Variants in NOPCHAP1 observed in about 807,000 individuals in gnomAD.
NOPCHAP1 encodes the protein NOP protein chaperone 1, also known as DNA damage-sensitive RNA 1.
NOPCHAP1 carries 13 observed loss-of-function variants against 14.0 expected under a neutral mutation model. The ratio of observed to expected loss-of-function variants is 0.93; its 90% CI spans 0.60 to 1.47. The LOEUF (loss-of-function observed/expected upper bound fraction) is 1.47, where lower values mean the gene tolerates loss of function less well. Among genes scored for constraint, NOPCHAP1 ranks in the 40% most tolerant of loss-of-function variants. NOPCHAP1 has a pLI of 0.00. For missense variants in NOPCHAP1, 230 were observed against 226.9 expected, an observed-to-expected ratio of 1.01 and a Z score of -0.09; for synonymous variants, 78 against 78.4, an observed-to-expected ratio of 1.00 and a Z score of 0.03.
chr12:104,991,742 A>G lies in NOPCHAP1; in HGVS notation c.233A>G (p.Gln78Arg), dbSNP rs746944094. The G allele has an allele frequency of 1.9e-6, 3 of 1,613,678 alleles. No individual in the cohort carries two copies. The highest frequency in any genetic ancestry group is 2.5e-6 in the Non-Finnish European group (3 of 1,179,890). ...GACCAGGTACAGACATTTCTCCCAC[A>G]GATGGCACGGGCAAATGAAAAGCTA... Reference protein sequence around the residue: ...LLDQVQTFLPQMARANEKLRK... With the variant: ...LLDQVQTFLPRMARANEKLRK... Residue 78 changes from glutamine to arginine, a missense_variant, in exon 3 of 4, where the codon CAG becomes CGG. Physicochemically the swap from Gln to Arg is conservative, Grantham distance 43. Coordinates refer to ENST00000552951, the MANE Select transcript of NOPCHAP1 (RefSeq NM_152318.3).
At position 104,994,500 on chromosome 12, in the gene NOPCHAP1, A is replaced by G; in HGVS notation, c.362A>G (p.Asn121Ser). 3 of 1,614,064 alleles carry G rather than the reference A, an allele frequency of 1.9e-6. No individual in the cohort carries two copies. The highest frequency in any genetic ancestry group is 3.3e-5 in the Admixed American group (2 of 60,010). Residue 121 changes from asparagine (N) to serine (S), a missense_variant, in exon 4 of 4, where the codon AAT (asparagine) becomes AGT (serine). Coordinates refer to ENST00000552951, the MANE Select transcript of NOPCHAP1 (RefSeq NM_152318.3). ...CAGGATGTGGCTTTGTTTGAGATGA[A>G]TCAGTCGGATTCAAAAGAAGTGGAC... ...IQMDVALFEM[N>S]QSDSKEVDSS...
chr12:104,988,541 C>T (rs913446134), intron 2 of NOPCHAP1, among the ~76,000 whole-genome samples: 9 of 152,090 alleles, frequency 5.9e-5, no homozygotes, highest in African/African-American at 1.7e-4. Flanking sequence ...GGTTACTGAG[C>T]CTCAAACTTA....
In NOPCHAP1 at chr12:105,005,656, C is replaced by T. The variant is rs1030999896; in HGVS notation, c.*10960C>T. On this transcript the variant is annotated 3_prime_UTR_variant, in exon 4 of 4. Coordinates refer to ENST00000552951, the MANE Select transcript of NOPCHAP1 (RefSeq NM_152318.3). ...AGCTGCAAAGGGAGAGCCTCTGATC[C>T]TTTTGTTACTTGGGCGTGGAAAGTT... 1 of 152,246 alleles carries T rather than the reference C, an allele frequency of 6.6e-6. No homozygotes were observed. The highest frequency in any genetic ancestry group is 2.4e-5 in the African/African-American group (1 of 41,446). The allele number at this position is 152,246 out of a possible 1,614,324, so 9.4% of individuals were successfully genotyped here. A position where few individuals can be genotyped will look rare whatever the true frequency, so the allele number is the denominator to read the frequency against.
intron 3 of NOPCHAP1, among the ~76,000 whole-genome samples, chr12:104,992,437 G>T (rs1873399664): frequency 6.6e-6 from 1 of 152,174 alleles, no homozygotes; most frequent in Admixed American, 6.5e-5. Flanking sequence ...TTGGAGTATT[G>T]CAGCAATTTC....
rs1873858412 is a variant in NOPCHAP1 at position 105,012,756 on chromosome 12, G to C, written c.*18060G>C. 6.5e-6 allele frequency: 1 copy of C among 152,876 alleles called. No homozygotes were observed. Among genetic ancestry groups the C allele is most frequent in the Non-Finnish European group, 1.5e-5 (1 of 68,580 alleles). 9.5% of individuals were successfully genotyped at this position (152,876 alleles called of 1,614,324 possible). ...TAACAGGCCCCTCTGCTGCAGGTCTGCTGGAGTTTGCTGGAGGTCCACTCC... is the reference window on the plus strand; with the variant it reads ...TAACAGGCCCCTCTGCTGCAGGTCTCCTGGAGTTTGCTGGAGGTCCACTCC... On this transcript the variant is annotated 3_prime_UTR_variant, in exon 4 of 4. Transcript: ENST00000552951.
Position 104,987,240 on chromosome 12 carries a change from T to A in NOPCHAP1, c.115+773T>A, listed in dbSNP as rs185616149. On this transcript the variant is annotated intron_variant, in intron 1 of 3. Coordinates refer to ENST00000552951, the MANE Select transcript of NOPCHAP1 (RefSeq NM_152318.3). ...TAACCAAAGCTTATGTAGTCCTTAC[T>A]ATGTATGCCCCAGAAACTAACTCAT... Among the ~76,000 whole-genome samples the A allele has an allele frequency of 5.3e-5, 8 of 152,360 alleles. No individual in the cohort carries two copies. The South Asian group carries it at 1.0e-3, about 20-fold the overall frequency.
Position 104,986,466 on chromosome 12 carries a change from AG to A in NOPCHAP1, c.115+1del. The A allele has an allele frequency of 6.3e-7, 1 of 1,599,146 alleles. No individual in the cohort carries two copies. The highest frequency in any genetic ancestry group is 1.1e-5 in the South Asian group (1 of 89,460). ...TGACGGCGGGAAGCGACGGCCGCGG[AG>A]GTGACGGACGGGTGACGGCGGCATG... Reference protein sequence around the residue: ...LLTAGSDGRGGIWDRLLINSQ... With the variant: ...LLTAGSDGRGXIWDRLLINSQ... On this transcript the variant is annotated frameshift_variant and splice_region_variant, in exon 1 of 4. Transcript: ENST00000552951. LOFTEE classifies it high-confidence loss of function.
At position 105,003,224 on chromosome 12, in the gene NOPCHAP1, C is replaced by G. The variant is rs1364698022; in HGVS notation, c.*8528C>G. 6.6e-6 allele frequency: 1 copy of G among 152,122 alleles called. No homozygotes were observed. The highest frequency in any genetic ancestry group is 1.5e-5 in the Non-Finnish European group (1 of 68,038). The allele number at this position is 152,122 out of a possible 1,614,324, so 9.4% of individuals were successfully genotyped here. ...CAAGTTTATGTAGGTTAAAACTTTC[C>G]CACTGTGGGCCACTGGAATTCTAAT... On this transcript the variant is annotated 3_prime_UTR_variant, in exon 4 of 4. Coordinates refer to ENST00000552951, the MANE Select transcript of NOPCHAP1 (RefSeq NM_152318.3).
chr12:104,992,864 G>A (rs11112283), intron 3 of NOPCHAP1, among the ~76,000 whole-genome samples: 1 of 152,060 alleles, frequency 6.6e-6, no homozygotes. Flanking sequence ...CCCTGCCAAG[G>A]TCCGTGGAAG....
intron 1 of NOPCHAP1, 46 bp downstream of exon 1, chr12:104,986,513 G>C: frequency 6.7e-7 from 1 of 1,494,442 alleles, no homozygotes; most frequent in Non-Finnish European, 9.0e-7. Flanking sequence ...GTGCGGCAGA[G>C]GAGGCGCGGC....
chr12:104,993,191 T>C lies in NOPCHAP1; in HGVS notation c.340-1287T>C, dbSNP rs114090338. 4.6e-3 allele frequency among the ~76,000 whole-genome samples: 707 copies of C among 152,310 alleles called. 4 individuals carry two copies. Among genetic ancestry groups the C allele is most frequent in the African/African-American group, 0.014 (562 of 41,556 alleles). On this transcript the variant is annotated intron_variant, in intron 3 of 3. Transcript: ENST00000552951. ...TATATGTATTTGTTTATTGCCTTTCTTTCGCCTCTGGAACAAGAGTCAACA... is the reference window on the plus strand; with the variant it reads ...TATATGTATTTGTTTATTGCCTTTCCTTCGCCTCTGGAACAAGAGTCAACA...
rs1385108502 is a variant in NOPCHAP1, at chr12:105,012,699, G to C, written c.*18003G>C. The C allele has an allele frequency of 6.6e-6, 1 of 152,298 alleles. No homozygotes were observed. Among genetic ancestry groups the C allele is most frequent in the African/African-American group, 2.4e-5 (1 of 41,442 alleles). The allele number at this position is 152,298 out of a possible 1,614,324, so 9.4% of individuals were successfully genotyped here. On this transcript the variant is annotated 3_prime_UTR_variant, in exon 4 of 4. Coordinates refer to ENST00000552951, the MANE Select transcript of NOPCHAP1 (RefSeq NM_152318.3). ...TGTGGACGTCCTTTTTGTTGATGTA[G>C]ATGCTATTCCTTTCTGTTAGTTTTC...
intron 3 of NOPCHAP1, 108 bp from the exon 4 acceptor site, chr12:104,994,370 T>C: frequency 9.3e-7 from 1 of 1,077,814 alleles, no homozygotes; most frequent in Non-Finnish European, 1.4e-6. Context: ...ATTCTTATCC[T>C]TTATGTTTCA....
intron 2 of NOPCHAP1, among the ~76,000 whole-genome samples, chr12:104,989,181 C>T (rs1436701671): frequency 6.6e-6 from 1 of 152,072 alleles, no homozygotes; most frequent in Admixed American, 6.5e-5. Context: ...TTTCTAATGG[C>T]TAATAATGTT....
Position 105,008,887 on chromosome 12 carries a change from C to T in NOPCHAP1, c.*14191C>T, listed in dbSNP as rs930185556. The T allele has an allele frequency of 2.6e-5, 4 of 152,138 alleles. No homozygotes were observed. Among genetic ancestry groups the T allele is most frequent in the African/African-American group, 9.7e-5 (4 of 41,416 alleles). The allele number at this position is 152,138 out of a possible 1,614,324, so 9.4% of individuals were successfully genotyped here. A position where few individuals can be genotyped will look rare whatever the true frequency, so the allele number is the denominator to read the frequency against. ...ACTGTGCTGTTTTGGTTACTATAGC[C>T]TTGTAGTATAGTTTGAAGTCAGGTA... On this transcript the variant is annotated 3_prime_UTR_variant, in exon 4 of 4. Coordinates refer to ENST00000552951, the MANE Select transcript of NOPCHAP1 (RefSeq NM_152318.3).
In NOPCHAP1 at chr12:105,008,910, G is replaced by T. The variant is rs1171258551; in HGVS notation, c.*14214G>T. On this transcript the variant is annotated 3_prime_UTR_variant, in exon 4 of 4. Transcript: ENST00000552951. ...GCCTTGTAGTATAGTTTGAAGTCAG[G>T]TAGCGTGATTCCTCCAGCTTTGTTC... is the stretch of plus-strand genomic sequence containing the variant. 10 of 152,176 alleles carry T rather than the reference G, an allele frequency of 6.6e-5. No individual in the cohort carries two copies. The highest frequency in any genetic ancestry group is 1.9e-4 in the African/African-American group (8 of 41,434). The allele number at this position is 152,176 out of a possible 1,614,324, so 9.4% of individuals were successfully genotyped here.
In NOPCHAP1 at chr12:105,016,327, T is replaced by C. The variant is rs1373776368; in HGVS notation, c.*21631T>C. The C allele has an allele frequency of 6.6e-6, 1 of 152,238 alleles. No homozygotes were observed. The highest frequency in any genetic ancestry group is 1.5e-5 in the Non-Finnish European group (1 of 68,038). 9.4% of individuals were successfully genotyped at this position (152,238 alleles called of 1,614,324 possible). The stretch of plus-strand genomic sequence containing the variant: ...TCAAATTGGCAGATGCAACAGTAGC[T>C]GGTACTTACTGAGCCCTTTCTGTGT... On this transcript the variant is annotated 3_prime_UTR_variant, in exon 4 of 4. Coordinates refer to ENST00000552951, the MANE Select transcript of NOPCHAP1 (RefSeq NM_152318.3).
In NOPCHAP1 at chr12:105,002,671, C is replaced by G. The variant is rs1873631305; in HGVS notation, c.*7975C>G. On this transcript the variant is annotated 3_prime_UTR_variant, in exon 4 of 4. Transcript: ENST00000552951. ...CTTTAATATCCTGATTAAGTTTTTC[C>G]CATTCTCTTGTCATACATTTTCAAG... is the stretch of plus-strand genomic sequence containing the variant. 6.6e-6 allele frequency: 1 copy of G among 152,036 alleles called. No individual in the cohort carries two copies. Among genetic ancestry groups the G allele is most frequent in the Non-Finnish European group, 1.5e-5 (1 of 68,000 alleles). 9.4% of individuals were successfully genotyped at this position (152,036 alleles called of 1,614,324 possible). A position where few individuals can be genotyped will look rare whatever the true frequency, so the allele number is the denominator to read the frequency against.
Position 105,000,621 on chromosome 12 carries a change from G to A in NOPCHAP1, c.*5925G>A, listed in dbSNP as rs1705101161. 1 of 152,128 alleles carries A rather than the reference G, an allele frequency of 6.6e-6. No individual in the cohort carries two copies. The highest frequency in any genetic ancestry group is 2.4e-5 in the African/African-American group (1 of 41,432). 9.4% of individuals were successfully genotyped at this position (152,128 alleles called of 1,614,324 possible). On this transcript the variant is annotated 3_prime_UTR_variant, in exon 4 of 4. Transcript: ENST00000552951. ...TCTTACCACCCATACTGCAGCAAAA[G>A]TCTTGAGGGTCTGAACTTTTGCTGC...
Sources: allele counts gnomAD v4.1 joint callset (sites outside exome capture counted in the v4.1 genomes callset), GRCh38; gene constraint gnomAD v4.1.1; transcripts MANE v1.5; gene names NCBI Gene and HGNC (gene_info 2026-07-23, HGNC 2026-07-21).